The following TIAM2 variants were observed in gnomAD, a reference collection of about 807,000 sequenced individuals.
TIAM2 encodes the protein rho guanine nucleotide exchange factor TIAM2.
Under a neutral mutation model 152.9 loss-of-function variants are expected in TIAM2, and 80 were observed. The ratio of observed to expected loss-of-function variants is 0.52; its 90% CI spans 0.44 to 0.63. TIAM2 has a LOEUF of 0.63. Among genes scored for constraint, TIAM2 ranks in the 30% least tolerant of loss-of-function variants. The pLI is 0.00. For synonymous variants in TIAM2, 804 were observed against 838.0 expected (o/e 0.96, Z 0.70); for missense variants, 1,965 against 2,120.1 (o/e 0.93, Z 1.44).
At chr6:155,000,810 C>G (rs1778300273) in intron 1 of TIAM2, among the ~76,000 whole-genome samples, 1 of 152,208 alleles carries the variant, frequency 6.6e-6, no homozygotes. Flanking sequence ...ATGGTGAAAC[C>G]CTGTCTCTAC....
At position 155,173,072 on chromosome 6, in the gene TIAM2, T is replaced by C. The variant is rs1049159291; in HGVS notation, c.2362-3744T>C. ...GAGATCTGTAAGCACCAAGTAGCTTTTTCTTTTTCTAGTTTTAATAAATTA... is the reference window on the plus strand; with the variant it reads ...GAGATCTGTAAGCACCAAGTAGCTTCTTCTTTTTCTAGTTTTAATAAATTA... On this transcript the variant is annotated intron_variant, in intron 9 of 26. Coordinates refer to ENST00000682666, the MANE Select transcript of TIAM2 (RefSeq NM_012454.4). 5.9e-5 allele frequency among the ~76,000 whole-genome samples: 9 copies of C among 152,234 alleles called. No homozygotes were observed. In the South Asian group the frequency reaches 6.2e-4, roughly 11 times the overall value.
chr6:155,066,559 C>T (rs1777698367), intron 1 of TIAM2, among the ~76,000 whole-genome samples: 3 of 152,162 alleles, frequency 2.0e-5, no homozygotes, highest in Non-Finnish European at 4.4e-5. Context: ...GGTCTTTCTG[C>T]ATCATATTTC....
intron 1 of TIAM2, among the ~76,000 whole-genome samples, chr6:155,063,361 G>A (rs977771205): frequency 6.6e-6 from 1 of 152,080 alleles, no homozygotes; most frequent in Non-Finnish European, 1.5e-5. Flanking sequence ...GCAATCCCAG[G>A]GATGGAGAGT....
At chr6:155,101,046 C>T (rs1041718277) in intron 2 of TIAM2, among the ~76,000 whole-genome samples, 1 of 152,112 alleles carries the variant, frequency 6.6e-6, no homozygotes, top group Non-Finnish European at 1.5e-5. Context: ...GGGAGGTAAA[C>T]CTTCACACCA....
At position 155,168,349 on chromosome 6, in the gene TIAM2, A is replaced by AATTTATTT. The variant is rs34392123; in HGVS notation, c.2361+2961_2361+2968dup. On this transcript the variant is annotated intron_variant, in intron 9 of 26. Transcript: ENST00000682666. ...TTTGGTTAAAAGCATATCAAGAATG[A>AATTTATTT]ATTTATTTATTTATTTATTTATTTA... 2.2e-3 allele frequency among the ~76,000 whole-genome samples: 328 copies of AATTTATTT among 151,896 alleles called. 1 individual carries two copies. The highest frequency in any genetic ancestry group is 6.5e-3 in the African/African-American group (270 of 41,452).
At position 155,183,248 on chromosome 6, in the gene TIAM2, G is replaced by T; in HGVS notation, c.2812G>T (p.Gly938Cys). Residue 938 changes from glycine (G) to cysteine (C), a missense_variant, in exon 14 of 27, where the codon GGC (glycine) becomes TGC (cysteine). Physicochemically the swap from Gly to Cys is radical, Grantham distance 159 (BLOSUM62 -3). Around this residue, in one of 3 missense-constraint regions of TIAM2, gnomAD observed 935 missense variants for 980.0 expected, o/e 0.95. Coordinates refer to ENST00000682666, the MANE Select transcript of TIAM2 (RefSeq NM_012454.4). ...GLAYGEGLRK[G>C]NEIMTLNGEA... is the part of the protein sequence containing the mutation. The stretch of plus-strand genomic sequence containing the variant: ...TTCCTTTTTCTCAGGGCTGAGAAAG[G>T]GCAATGAGATCATGACCTTAAATGG... The T allele has an allele frequency of 6.2e-7, 1 of 1,613,832 alleles. No individual in the cohort carries two copies. Among genetic ancestry groups the T allele is most frequent in the Non-Finnish European group, 8.5e-7 (1 of 1,179,840 alleles).
At chr6:155,048,065 G>T (rs1162101392) in intron 1 of TIAM2, among the ~76,000 whole-genome samples, 1 of 152,074 alleles carries the variant, frequency 6.6e-6, no homozygotes, top group Non-Finnish European at 1.5e-5. Flanking sequence ...TGATTCTCCT[G>T]CCTCAGCCTC....
At chr6:155,191,020 ATCT>A (rs1781189803) in intron 14 of TIAM2, among the ~76,000 whole-genome samples, 1 of 152,150 alleles carries the variant, frequency 6.6e-6, no homozygotes, top group Admixed American at 6.5e-5. Flanking sequence ...AAGTATGAAA[ATCT>A]TCTTTTTAGC....
Position 155,244,758 on chromosome 6 carries a change from C to A in TIAM2, c.3518C>A (p.Thr1173Asn), listed in dbSNP as rs1334647505. Reference protein sequence around the residue: ...DGISASSDFNTLETPSQFRKL... With the variant: ...DGISASSDFNNLETPSQFRKL... Reference sequence around the variant, plus strand: ...ATTTCAGCATCATCTGACTTTAACACCCTAGAAACCCCCTCACAGTTTAGA... The same window carrying A: ...ATTTCAGCATCATCTGACTTTAACAACCTAGAAACCCCCTCACAGTTTAGA... The change falls in exon 18 of 27, where the codon ACC becomes AAC. Residue 1173 changes from threonine (T) to asparagine (N), a missense_variant. Physicochemically the swap from Thr to Asn is moderately conservative, Grantham distance 65. Coordinates refer to ENST00000682666, the MANE Select transcript of TIAM2 (RefSeq NM_012454.4). 3 of 1,613,142 alleles carry A rather than the reference C, an allele frequency of 1.9e-6. No individual in the cohort carries two copies. In the African/African-American group the frequency reaches 4.0e-5, roughly 22 times the overall value.
chr6:155,036,717 A>G (rs1303045391), intron 1 of TIAM2, among the ~76,000 whole-genome samples: 1 of 151,630 alleles, frequency 6.6e-6, no homozygotes, highest in East Asian at 2.0e-4. Context: ...TCCCAGGTTC[A>G]AGCGATTCTC....
Position 155,186,521 on chromosome 6 carries a change from G to A in TIAM2, c.3064+3021G>A, listed in dbSNP as rs1274986185. Among the ~76,000 whole-genome samples the A allele has an allele frequency of 3.3e-5, 5 of 152,100 alleles. No homozygotes were observed. The highest frequency in any genetic ancestry group is 4.8e-5 in the African/African-American group (2 of 41,416). On this transcript the variant is annotated intron_variant, in intron 14 of 26. Coordinates refer to ENST00000682666, the MANE Select transcript of TIAM2 (RefSeq NM_012454.4). The surrounding 1 kb of genome is among the most constrained non-coding windows in gnomAD (Gnocchi z 4.5). ...TCAGACTCTGCTTTTAGGGGAGCCC[G>A]AATGAAGATGCTGAGCCTCACTTTT...
Position 155,248,092 on chromosome 6 carries a change from G to A in TIAM2, c.3745G>A (p.Val1249Ile), listed in dbSNP as rs1783437677. ...GCTGGAGTCCTACCTCATCAAGCCG[G>A]TTCAGAGAGTGCTCAAGTACCCGCT... ...STLESYLIKP[V>I]QRVLKYPLLL... The change falls in exon 20 of 27, where the codon GTT (valine) becomes ATT (isoleucine). Residue 1249 changes from valine (V) to isoleucine (I), a missense_variant. This residue lies in a region of TIAM2 where 935 missense variants were observed against 980.0 expected (regional missense o/e 0.95). Transcript: ENST00000682666. 5.0e-6 allele frequency: 8 copies of A among 1,614,226 alleles called. No individual in the cohort carries two copies. Among genetic ancestry groups the A allele is most frequent in the South Asian group, 2.2e-5 (2 of 91,086 alleles).
chr6:155,137,702 T>A, intron 5 of TIAM2, 90 bp downstream of exon 5: 1 of 1,401,632 alleles, frequency 7.1e-7, no homozygotes, highest in Non-Finnish European at 9.5e-7. Context: ...TAGCATTGAT[T>A]TGAGTTCACA....
At chr6:155,095,796 A>T (rs1778407865) in intron 2 of TIAM2, among the ~76,000 whole-genome samples, 1 of 152,204 alleles carries the variant, frequency 6.6e-6, no homozygotes, top group African/African-American at 2.4e-5. Context: ...TTATGAGTTG[A>T]CTGAGAGGCT....
intron 1 of TIAM2, among the ~76,000 whole-genome samples, chr6:155,071,711 A>G (rs535632702): frequency 1.2e-4 from 18 of 152,232 alleles, no homozygotes; most frequent in African/African-American, 4.3e-4. Context: ...CCTGGCCAAC[A>G]TGGTGAAACC....
chr6:155,042,416 C>T (rs915813310), intron 1 of TIAM2, among the ~76,000 whole-genome samples: 28 of 151,972 alleles, frequency 1.8e-4, no homozygotes, highest in Non-Finnish European at 1.5e-4. Flanking sequence ...GGCAACATGG[C>T]GAAACCCCAT....
intron 1 of TIAM2, among the ~76,000 whole-genome samples, chr6:155,085,363 G>T (rs948012404): frequency 8.6e-5 from 13 of 152,044 alleles, no homozygotes; most frequent in African/African-American, 3.1e-4. Flanking sequence ...AAGGGCACAG[G>T]GTAAGTAGTA....
chr6:155,256,003 C>T (rs1162272472), intron 26 of TIAM2: 1 of 170,100 alleles, frequency 5.9e-6, no homozygotes, highest in African/African-American at 3.8e-5. Flanking sequence ...GAGCAAGACA[C>T]TGTCTTTAAA....
chr6:155,063,595 A>G (rs1777631784), intron 1 of TIAM2, among the ~76,000 whole-genome samples: 1 of 152,138 alleles, frequency 6.6e-6, no homozygotes, highest in African/African-American at 2.4e-5. Context: ...CATCCTGGCC[A>G]ACATGGTGAA....
Sources: allele counts gnomAD v4.1 joint callset (sites outside exome capture counted in the v4.1 genomes callset), GRCh38; gene constraint gnomAD v4.1.1; regional missense constraint gnomAD v4.1.1; non-coding constraint Gnocchi (gnomAD v3.1); transcripts MANE v1.5; gene names NCBI Gene and HGNC (gene_info 2026-07-23, HGNC 2026-07-21).